The following MSI2 variants were observed in gnomAD, a reference collection of about 807,000 sequenced individuals.
MSI2 encodes musashi RNA binding protein 2, also known as RNA-binding protein Musashi homolog 2.
A neutral mutation model predicts 45.6 loss-of-function variants in MSI2; 17 were observed. The ratio of observed to expected loss-of-function variants is 0.37; its 90% CI spans 0.26 to 0.56. The LOEUF is 0.56. Ranked by LOEUF, MSI2 falls within the 20% of genes least tolerant of loss-of-function variation. The probability of loss-of-function intolerance (pLI) is 0.77; values close to 1 mark genes in which losing one functional copy is unlikely to be tolerated. For synonymous variants in MSI2, 156 were observed against 158.2 expected, an observed-to-expected ratio of 0.99 and a Z score of 0.11; for missense variants, 293 against 444.2, an observed-to-expected ratio of 0.66 and a Z score of 3.06.
chr17:57,376,350 G>A (rs1455052811), intron 5 of MSI2, among the ~76,000 whole-genome samples: 2 of 152,184 alleles, frequency 1.3e-5, no homozygotes, highest in Non-Finnish European at 2.9e-5. Flanking sequence ...GCAGACAGCA[G>A]GTCTGGGAAC....
intron 5 of MSI2, among the ~76,000 whole-genome samples, chr17:57,396,873 G>A (rs1004689120): frequency 1.3e-5 from 2 of 152,198 alleles, no homozygotes; most frequent in African/African-American, 2.4e-5. Flanking sequence ...AAGGAGGGGC[G>A]CCTGCTGGGA....
At chr17:57,518,060 GTCT>G (rs2086507502) in intron 6 of MSI2, among the ~76,000 whole-genome samples, 1 of 152,126 alleles carries the variant, frequency 6.6e-6, no homozygotes, top group Admixed American at 6.5e-5. Flanking sequence ...CTCTCCCTCA[GTCT>G]TCTTTTTTCA....
intron 5 of MSI2, among the ~76,000 whole-genome samples, chr17:57,342,667 TATC>T (rs1172613539): frequency 6.6e-6 from 1 of 152,232 alleles, no homozygotes; most frequent in East Asian, 1.9e-4. Context: ...CATCTGATGG[TATC>T]ATGTCTTTTT....
At chr17:57,651,785 G>A (rs1181164716) in intron 10 of MSI2, among the ~76,000 whole-genome samples, 2 of 152,176 alleles carry the variant, frequency 1.3e-5, no homozygotes, top group Non-Finnish European at 2.9e-5. Flanking sequence ...GTCGATGCAC[G>A]GCCAACAGGG....
chr17:57,330,461 T>G (rs2143724411), intron 5 of MSI2, among the ~76,000 whole-genome samples: 1 of 152,090 alleles, frequency 6.6e-6, no homozygotes, highest in Admixed American at 6.5e-5. Flanking sequence ...GTATTTTTAG[T>G]AGAGATGGGG....
chr17:57,403,260 T>C (rs1428505941), intron 6 of MSI2, among the ~76,000 whole-genome samples: 1 of 152,200 alleles, frequency 6.6e-6, no homozygotes, highest in Non-Finnish European at 1.5e-5. Flanking sequence ...CCCCAACCCT[T>C]GGTTTCTTTC....
At chr17:57,659,056 T>TTTGGTTGG (rs199585902) in intron 11 of MSI2, among the ~76,000 whole-genome samples, 2 of 108,018 alleles carry the variant, frequency 1.9e-5, no homozygotes, top group Admixed American at 1.0e-4. Flanking sequence ...TTTTTTTTTA[T>TTTGGTTGG]TTGGTTGGTT....
At chr17:57,491,579 G>C (rs1182063886) in intron 6 of MSI2, among the ~76,000 whole-genome samples, 2 of 152,190 alleles carry the variant, frequency 1.3e-5, no homozygotes, top group Admixed American at 1.3e-4. Context: ...GGCCTTTGGG[G>C]GACCTCTTTG....
intron 7 of MSI2, among the ~76,000 whole-genome samples, chr17:57,579,347 G>A (rs1187774601): frequency 1.3e-5 from 2 of 152,192 alleles, no homozygotes; most frequent in Non-Finnish European, 2.9e-5. Context: ...GCCTTCTCTG[G>A]AGGACGCAGG....
intron 6 of MSI2, among the ~76,000 whole-genome samples, chr17:57,507,509 T>C (rs904725240): frequency 6.6e-6 from 1 of 152,190 alleles, no homozygotes; most frequent in African/African-American, 2.4e-5. Context: ...ATGTGATTTT[T>C]GGAAACCATT....
intron 5 of MSI2, among the ~76,000 whole-genome samples, chr17:57,306,703 ATTTTG>A (rs1428973830): frequency 6.6e-6 from 1 of 151,822 alleles, no homozygotes; most frequent in Non-Finnish European, 1.5e-5. Flanking sequence ...TGCCAATTTT[ATTTTG>A]TTTTATCTAT....
In MSI2 at chr17:57,627,106, A is replaced by T; in HGVS notation, c.653-123A>T. 1 of 918,786 alleles carries T rather than the reference A, an allele frequency of 1.1e-6. No individual in the cohort carries two copies. The allele number at this position is 918,786 out of a possible 1,614,324, so 56.9% of individuals were successfully genotyped here. A position where few individuals can be genotyped will look rare whatever the true frequency, so the allele number is the denominator to read the frequency against. On this transcript the variant is annotated intron_variant, in intron 9 of 13. Coordinates refer to ENST00000284073, the MANE Select transcript of MSI2 (RefSeq NM_138962.4). The surrounding 1 kb of genome is among the most constrained non-coding windows in gnomAD (Gnocchi z 4.6). Reference sequence around the variant, plus strand: ...CCCTTAATAAAAAAACCCTCATGAGAGACAAATTATTCTGTGAAGGAAAAT... The same window carrying T: ...CCCTTAATAAAAAAACCCTCATGAGTGACAAATTATTCTGTGAAGGAAAAT...
the MSI2 span, among the ~76,000 whole-genome samples, chr17:57,701,318 C>T: frequency 2.0e-5 from 3 of 152,140 alleles, no homozygotes; most frequent in East Asian, 5.8e-4. Flanking sequence ...GCCTAAATCC[C>T]CAATTTGATG....
At position 57,407,842 on chromosome 17, in the gene MSI2, T is replaced by C. The variant is rs1229252591; in HGVS notation, c.405+6371T>C. On this transcript the variant is annotated intron_variant, in intron 6 of 13. Transcript: ENST00000284073. This position sits in a 1 kb window ranked among gnomAD's most constrained non-coding sequence, Gnocchi z 4.1. ...CTGTCCCCATGTTTTATTAATCTTCTGCCTGGTTTGTGTCAGCATCTCCCT... is the reference window on the plus strand; with the variant it reads ...CTGTCCCCATGTTTTATTAATCTTCCGCCTGGTTTGTGTCAGCATCTCCCT... Among the ~76,000 whole-genome samples, 1 of 152,226 alleles carries C rather than the reference T, an allele frequency of 6.6e-6. No homozygotes were observed. Among genetic ancestry groups the C allele is most frequent in the African/African-American group, 2.4e-5 (1 of 41,464 alleles).
intron 11 of MSI2, among the ~76,000 whole-genome samples, chr17:57,674,395 C>T (rs1317906007): frequency 1.3e-5 from 2 of 151,358 alleles, no homozygotes; most frequent in Non-Finnish European, 2.9e-5. Flanking sequence ...GAAACACACA[C>T]ACAAAAAAAG....
intron 6 of MSI2, among the ~76,000 whole-genome samples, chr17:57,462,545 G>A (rs183293092): frequency 4.6e-5 from 7 of 152,270 alleles, no homozygotes; most frequent in Non-Finnish European, 7.4e-5. Context: ...TCCCAGCAGG[G>A]GTTTATGAGT....
At chr17:57,549,286 G>A (rs577052437) in intron 7 of MSI2, among the ~76,000 whole-genome samples, 15 of 145,080 alleles carry the variant, frequency 1.0e-4, no homozygotes, top group South Asian at 2.2e-4. Flanking sequence ...TATGCTTTGC[G>A]AAAACAAGCC....
At chr17:57,685,120 A>T (rs1364035756), downstream of MSI2, among the ~76,000 whole-genome samples, 1 of 152,180 alleles carries the variant, frequency 6.6e-6, no homozygotes, top group East Asian at 1.9e-4. Flanking sequence ...CTGAATAGGT[A>T]TCAGACCTCT....
chr17:57,446,679 T>C (rs1413472552), intron 6 of MSI2, among the ~76,000 whole-genome samples: 2 of 152,206 alleles, frequency 1.3e-5, no homozygotes, highest in Non-Finnish European at 2.9e-5. Flanking sequence ...AGAGATGCAC[T>C]CACATGCTGT....
Sources: gnomAD v4.1 joint callset for allele counts (sites outside exome capture counted in the v4.1 genomes callset) on GRCh38, gnomAD v4.1.1 for gene constraint, Gnocchi (gnomAD v3.1) non-coding constraint, MANE v1.5 for transcripts, NCBI Gene and HGNC (gene_info 2026-07-23, HGNC 2026-07-21) for gene names.